WDR27: variants seen among roughly 807,000 people sequenced by gnomAD.
WDR27 encodes the protein WD repeat domain 27.
WDR27 carries 100 observed loss-of-function variants against 114.4 expected under a neutral mutation model. The observed-to-expected ratio is 0.87, with a 90% confidence interval of 0.74 to 1.03. The LOEUF is 1.03. WDR27 is among the 50% of genes least tolerant of loss of function. The pLI is 0.00. For synonymous variants in WDR27, 449 were observed against 423.1 expected, an observed-to-expected ratio of 1.06 and a Z score of -0.75; for missense variants, 1,129 against 1,092.9, an observed-to-expected ratio of 1.03 and a Z score of -0.47.
chr6:169,619,785 T>C (rs1356420129), intron 21 of WDR27, among the ~76,000 whole-genome samples: 1 of 152,224 alleles, frequency 6.6e-6, no homozygotes, highest in African/African-American at 2.4e-5. Context: ...AAATGTTTCC[T>C]GTTCAGATCT....
intron 25 of WDR27, among the ~76,000 whole-genome samples, chr6:169,483,274 TGCTA>T (rs1276914124): frequency 3.3e-5 from 5 of 152,030 alleles, no homozygotes; most frequent in Non-Finnish European, 7.4e-5. Context: ...AGTAAGAGAC[TGCTA>T]GCTAGACTAA....
chr6:169,618,627 C>CAAAAAAAAAA (rs560399990), intron 21 of WDR27, among the ~76,000 whole-genome samples: 1 of 92,104 alleles, frequency 1.1e-5, no homozygotes, highest in Non-Finnish European at 2.0e-5. Context: ...TGGATGACTG[C>CAAAAAAAAAA]AAAAAAAAAA....
intron 19 of WDR27, among the ~76,000 whole-genome samples, chr6:169,635,562 T>C (rs1461180770): frequency 6.6e-6 from 1 of 152,194 alleles, no homozygotes; most frequent in Non-Finnish European, 1.5e-5. Flanking sequence ...GGGGATGCTC[T>C]CATTGAGATC....
At chr6:169,673,140 G>A (rs1472614168) in intron 2 of WDR27, among the ~76,000 whole-genome samples, 2 of 152,096 alleles carry the variant, frequency 1.3e-5, no homozygotes, top group Non-Finnish European at 2.9e-5. Context: ...GAGGGATGGA[G>A]GGAAAAACAA....
At chr6:169,463,280 C>T (rs1217629608) in intron 25 of WDR27, among the ~76,000 whole-genome samples, 1 of 152,220 alleles carries the variant, frequency 6.6e-6, no homozygotes, top group Non-Finnish European at 1.5e-5. Flanking sequence ...AGCCACCAAT[C>T]TCACCCATAC....
At chr6:169,696,317 C>A (rs114519971) in intron 1 of WDR27, among the ~76,000 whole-genome samples, 18 of 152,098 alleles carry the variant, frequency 1.2e-4, no homozygotes, top group Non-Finnish European at 2.2e-4. Context: ...GGAAGAATGG[C>A]GCAGTGAAGC....
chr6:169,668,504 C>T (rs1486326828), intron 4 of WDR27: 3 of 264,916 alleles, frequency 1.1e-5, no homozygotes, highest in South Asian at 4.9e-5. Context: ...CAAGACAAGA[C>T]GGTGCGGCAA....
At chr6:169,640,364 C>T (rs562062217) in intron 17 of WDR27, among the ~76,000 whole-genome samples, 1 of 152,342 alleles carries the variant, frequency 6.6e-6, no homozygotes, top group African/African-American at 2.4e-5. Context: ...ATGAACATAA[C>T]TCAGTTCTGC....
At chr6:169,541,393 T>C (rs984771794) in intron 25 of WDR27, among the ~76,000 whole-genome samples, 4 of 152,242 alleles carry the variant, frequency 2.6e-5, no homozygotes, top group Non-Finnish European at 5.9e-5. Flanking sequence ...CAGACTTCAT[T>C]GATAATTCTC....
rs926903627 is a variant in WDR27, at chr6:169,701,976, C to T, written c.-433G>A. The T allele has an allele frequency of 3.0e-5, 12 of 396,334 alleles. No individual in the cohort carries two copies. In the East Asian group the frequency reaches 8.2e-4, roughly 27 times the overall value. 24.6% of individuals were successfully genotyped at this position (396,334 alleles called of 1,614,324 possible). ...GAGGACTACCGAGCCACACTCCGCC[C>T]CACGCTCGCCGCTATGGTTACTTGC... On this transcript the variant is annotated 5_prime_UTR_variant, in exon 1 of 26. Coordinates refer to ENST00000448612, the MANE Select transcript of WDR27 (RefSeq NM_182552.5).
At chr6:169,642,265 T>C (rs1019996152) in intron 17 of WDR27, among the ~76,000 whole-genome samples, 5 of 152,170 alleles carry the variant, frequency 3.3e-5, no homozygotes, top group Admixed American at 6.5e-5. Flanking sequence ...AGTGAAACGA[T>C]GTGGCTTGTG....
At chr6:169,685,661 T>C (rs1425099903) in intron 2 of WDR27, among the ~76,000 whole-genome samples, 1 of 152,090 alleles carries the variant, frequency 6.6e-6, no homozygotes, top group African/African-American at 2.4e-5. Context: ...TTTGAAATAA[T>C]ACCAGCAGAC....
At chr6:169,527,163 A>C (rs558730647) in intron 25 of WDR27, among the ~76,000 whole-genome samples, 52 of 152,000 alleles carry the variant, frequency 3.4e-4, no homozygotes, top group Non-Finnish European at 6.0e-4. Flanking sequence ...ATAATTGAAA[A>C]GATATGTTAA....
chr6:169,464,026 G>T (rs994217764), intron 25 of WDR27, among the ~76,000 whole-genome samples: 46 of 152,126 alleles, frequency 3.0e-4, no homozygotes, highest in African/African-American at 1.1e-3. Context: ...TACAGAAGTA[G>T]AACAACCCAT....
chr6:169,448,471 A>G, the WDR27 span, among the ~76,000 whole-genome samples: 1 of 151,942 alleles, frequency 6.6e-6, no homozygotes, highest in Non-Finnish European at 1.5e-5. Flanking sequence ...TGAGGTGCAT[A>G]AAGAGAAGGA....
At chr6:169,455,834 T>C (rs955277913), downstream of WDR27, among the ~76,000 whole-genome samples, 1 of 152,242 alleles carries the variant, frequency 6.6e-6, no homozygotes, top group Non-Finnish European at 1.5e-5. Flanking sequence ...GCCAAGTTTG[T>C]TTTGTCCTAA....
intron 21 of WDR27, among the ~76,000 whole-genome samples, chr6:169,619,297 A>G (rs552491031): frequency 2.6e-5 from 4 of 152,216 alleles, no homozygotes; most frequent in Non-Finnish European, 4.4e-5. Flanking sequence ...TCTACACAAC[A>G]ATGGCTCTTC....
intron 24 of WDR27, among the ~76,000 whole-genome samples, chr6:169,573,127 G>A (rs1428923520): frequency 2.0e-5 from 3 of 152,066 alleles, no homozygotes; most frequent in Admixed American, 6.5e-5. Flanking sequence ...GGCTCTGCAC[G>A]CAGACCTCCG....
chr6:169,467,902 C>T lies in WDR27; in HGVS notation c.2646-10268G>A, dbSNP rs146606598. ...TTTTATGCTCTGCTTTCCTTTTAAACGTAAGTTCCAATTCCAAACCATATC... is the reference window on the plus strand; with the variant it reads ...TTTTATGCTCTGCTTTCCTTTTAAATGTAAGTTCCAATTCCAAACCATATC... On this transcript the variant is annotated intron_variant, in intron 25 of 25. Coordinates refer to ENST00000448612, the MANE Select transcript of WDR27 (RefSeq NM_182552.5). 1.4e-3 allele frequency among the ~76,000 whole-genome samples: 206 copies of T among 152,334 alleles called. 3 individuals are homozygous for T. The East Asian group carries it at 0.032, about 24-fold the overall frequency.
Sources: gnomAD v4.1 joint callset for allele counts (sites outside exome capture counted in the v4.1 genomes callset) on GRCh38, gnomAD v4.1.1 for gene constraint, MANE v1.5 for transcripts, NCBI Gene and HGNC (gene_info 2026-07-23, HGNC 2026-07-21) for gene names.